Variants in JAZF1 observed in about 807,000 individuals in gnomAD.
The protein encoded by JAZF1 is juxtaposed with another zinc finger protein 1.
A neutral mutation model predicts 26.4 loss-of-function variants in JAZF1; 8 were observed. The ratio of observed to expected loss-of-function variants is 0.30; its 90% CI spans 0.18 to 0.55. The LOEUF (loss-of-function observed/expected upper bound fraction) is 0.55. Ranked by LOEUF, JAZF1 falls within the 20% of genes least tolerant of loss-of-function variation. The pLI is 0.94. For missense variants in JAZF1, 199 were observed against 322.0 expected, an observed-to-expected ratio of 0.62 and a Z score of 2.92; for synonymous variants, 126 against 122.3, an observed-to-expected ratio of 1.03 and a Z score of -0.20.
chr7:27,869,429 G>T (rs1783541200), intron 3 of JAZF1, among the ~76,000 whole-genome samples: 1 of 152,158 alleles, frequency 6.6e-6, no homozygotes, highest in African/African-American at 2.4e-5. Flanking sequence ...GGACAGACTA[G>T]GTATTTTGGG....
At chr7:28,051,991 C>T (rs1163261927) in intron 1 of JAZF1, among the ~76,000 whole-genome samples, 1 of 152,114 alleles carries the variant, frequency 6.6e-6, no homozygotes, top group African/African-American at 2.4e-5. Flanking sequence ...TCTGAAACTG[C>T]AGGTTCACTC....
In JAZF1 at chr7:28,180,615, G is replaced by C. The variant is rs747887256; in HGVS notation, c.-38C>G. 1.9e-6 allele frequency: 3 copies of C among 1,553,790 alleles called. No individual in the cohort carries two copies. In the South Asian group the frequency reaches 3.4e-5, roughly 18 times the overall value. On this transcript the variant is annotated 5_prime_UTR_variant, in exon 1 of 5. Transcript: ENST00000283928. Reference sequence around the variant, plus strand: ...AGAGCCCCCCTGGTGTCGGCTCTGCGAGCGCCGGGCGGGCGAGGGAGGGAG... The same window carrying C: ...AGAGCCCCCCTGGTGTCGGCTCTGCCAGCGCCGGGCGGGCGAGGGAGGGAG...
At chr7:27,952,813 T>G (rs1785033623) in intron 2 of JAZF1, among the ~76,000 whole-genome samples, 1 of 152,238 alleles carries the variant, frequency 6.6e-6, no homozygotes, top group Non-Finnish European at 1.5e-5. Flanking sequence ...AAAAAACACA[T>G]TAAGATATTT....
At chr7:28,165,989 A>G (rs1783361642) in intron 1 of JAZF1, among the ~76,000 whole-genome samples, 1 of 152,180 alleles carries the variant, frequency 6.6e-6, no homozygotes, top group Non-Finnish European at 1.5e-5. Flanking sequence ...ATGTTGCTGC[A>G]TGAAAAATAA....
chr7:27,980,157 C>T (rs1272831165), intron 2 of JAZF1, among the ~76,000 whole-genome samples: 2 of 152,240 alleles, frequency 1.3e-5, no homozygotes, highest in African/African-American at 4.8e-5. Context: ...GGTCAAGCTA[C>T]ACAGTGGCTA....
At chr7:27,947,758 A>C (rs1236622928) in intron 2 of JAZF1, among the ~76,000 whole-genome samples, 5 of 152,188 alleles carry the variant, frequency 3.3e-5, no homozygotes, top group Non-Finnish European at 7.3e-5. Context: ...CTGTGGATCA[A>C]AGCCTTGGAG....
intron 1 of JAZF1, among the ~76,000 whole-genome samples, chr7:28,070,420 T>G (rs1328839674): frequency 6.6e-6 from 1 of 152,196 alleles, no homozygotes; most frequent in Non-Finnish European, 1.5e-5. Context: ...AAGAAAAGCT[T>G]CTAGATATTT....
intron 2 of JAZF1, among the ~76,000 whole-genome samples, chr7:27,907,461 T>C (rs938634907): frequency 1.3e-5 from 2 of 152,224 alleles, no homozygotes; most frequent in Non-Finnish European, 2.9e-5. Context: ...GGGGAACCTA[T>C]GCAGTCCACA....
intron 3 of JAZF1, among the ~76,000 whole-genome samples, chr7:27,881,637 T>C (rs1238009204): frequency 1.3e-5 from 2 of 152,174 alleles, no homozygotes; most frequent in African/African-American, 4.8e-5. Flanking sequence ...GTCACGATCA[T>C]GTCTCAAAAA....
intron 2 of JAZF1, among the ~76,000 whole-genome samples, chr7:27,901,050 A>AT (rs1784154563): frequency 6.6e-6 from 1 of 150,838 alleles, no homozygotes; most frequent in South Asian, 2.1e-4. Flanking sequence ...TCCTTCTAAC[A>AT]TTTTTCTACA....
intron 2 of JAZF1, among the ~76,000 whole-genome samples, chr7:27,950,917 CA>C (rs959880003): frequency 1.3e-4 from 20 of 151,926 alleles, no homozygotes; most frequent in Admixed American, 1.3e-4. Flanking sequence ...ATTTCAATGA[CA>C]AAAAAGGCAC....
At chr7:27,849,752 G>GACACAGACACAGACACACAC (rs61688947) in intron 3 of JAZF1, among the ~76,000 whole-genome samples, 1 of 108,444 alleles carries the variant, frequency 9.2e-6, no homozygotes, top group African/African-American at 4.3e-5. Flanking sequence ...CTTACACACA[G>GACACAGACACAGACACACAC]ACACACACAC....
intron 1 of JAZF1, among the ~76,000 whole-genome samples, chr7:28,174,323 C>CT (rs1783516821): frequency 6.6e-6 from 1 of 152,190 alleles, no homozygotes; most frequent in Non-Finnish European, 1.5e-5. Context: ...TGTCTCCTGT[C>CT]TCTCAGACTC....
intron 4 of JAZF1, among the ~76,000 whole-genome samples, chr7:27,838,875 C>G (rs1782869836): frequency 6.6e-6 from 1 of 152,148 alleles, no homozygotes; most frequent in Admixed American, 6.5e-5. Flanking sequence ...CCAACTGCCA[C>G]CCATGTCACC....
At chr7:27,936,764 G>T (rs1344189772) in intron 2 of JAZF1, among the ~76,000 whole-genome samples, 1 of 152,140 alleles carries the variant, frequency 6.6e-6, no homozygotes, top group Admixed American at 6.5e-5. Context: ...AAAACGGCTC[G>T]TAAGGCCAGA....
At chr7:28,022,498 T>C (rs1042532184) in intron 1 of JAZF1, among the ~76,000 whole-genome samples, 1 of 152,200 alleles carries the variant, frequency 6.6e-6, no homozygotes, top group Non-Finnish European at 1.5e-5. Flanking sequence ...ATCTCTTCCT[T>C]TAAAAAATAA....
chr7:28,024,621 GGACAT>G (rs1783062416), intron 1 of JAZF1, among the ~76,000 whole-genome samples: 1 of 152,230 alleles, frequency 6.6e-6, no homozygotes, highest in Non-Finnish European at 1.5e-5. Context: ...AATGGAAGAG[GGACAT>G]GATGAATTTT....
intron 4 of JAZF1, among the ~76,000 whole-genome samples, chr7:27,834,553 T>C (rs74827778): frequency 0.011 from 1,692 of 152,352 alleles, 41 homozygotes; most frequent in African/African-American, 0.038. Flanking sequence ...CATAAGGTAC[T>C]TCAGTCTTGT....
chr7:27,959,240 C>T (rs909370528), intron 2 of JAZF1, among the ~76,000 whole-genome samples: 1 of 152,056 alleles, frequency 6.6e-6, no homozygotes, highest in Non-Finnish European at 1.5e-5. Flanking sequence ...GTTCCCTGAA[C>T]AAATCTCAGG....
Sources: gnomAD v4.1 joint callset for allele counts (sites outside exome capture counted in the v4.1 genomes callset) on GRCh38, gnomAD v4.1.1 for gene constraint, MANE v1.5 for transcripts, NCBI Gene and HGNC (gene_info 2026-07-23, HGNC 2026-07-21) for gene names.